The following SHISA9 variants were observed in gnomAD, a reference collection of about 807,000 sequenced individuals.
SHISA9 encodes protein shisa-9.
SHISA9 carries 13 observed loss-of-function variants against 38.0 expected under a neutral mutation model. The ratio of observed to expected loss-of-function variants is 0.34; its 90% CI spans 0.22 to 0.54. The LOEUF (loss-of-function observed/expected upper bound fraction) is 0.54. Among genes scored for constraint, SHISA9 ranks in the 20% least tolerant of loss-of-function variants. SHISA9 has a pLI of 0.91. For missense variants in SHISA9, 538 were observed against 575.8 expected, an observed-to-expected ratio of 0.93 and a Z score of 0.67; for synonymous variants, 275 against 242.0, an observed-to-expected ratio of 1.14 and a Z score of -1.27.
intron 2 of SHISA9, among the ~76,000 whole-genome samples, chr16:13,121,832 TACACACACACACACACACACACACACAC>T (rs55727441): frequency 7.4e-6 from 1 of 134,820 alleles, no homozygotes; most frequent in South Asian, 2.6e-4. Context: ...TATACACACA[TACACACACACACACACACACACACACAC>T]ACACACACAC....
At chr16:13,080,277 G>T (rs569017411) in intron 2 of SHISA9, among the ~76,000 whole-genome samples, 1 of 152,216 alleles carries the variant, frequency 6.6e-6, no homozygotes, top group Non-Finnish European at 1.5e-5. Context: ...GGAGGCTGAC[G>T]CAGGAGAATG....
chr16:13,165,581 G>A (rs1476232308), intron 2 of SHISA9, among the ~76,000 whole-genome samples: 2 of 152,212 alleles, frequency 1.3e-5, no homozygotes, highest in South Asian at 2.1e-4. Flanking sequence ...CCTGTTCTCT[G>A]ATACGTGGAG....
intron 2 of SHISA9, among the ~76,000 whole-genome samples, chr16:12,975,650 C>CGGGG (rs796430576): frequency 0.026 from 213 of 8,166 alleles, 5 homozygotes; most frequent in African/African-American, 0.071. Flanking sequence ...TGGGGTGGGA[C>CGGGG]GGGGGCGGGG....
intron 1 of SHISA9, among the ~76,000 whole-genome samples, chr16:12,906,744 T>C (rs1242161973): frequency 6.6e-6 from 1 of 152,230 alleles, no homozygotes; most frequent in Non-Finnish European, 1.5e-5. Flanking sequence ...TTTATCTAGA[T>C]GAGGATTTCT....
At chr16:13,003,282 G>A (rs1368933835) in intron 2 of SHISA9, among the ~76,000 whole-genome samples, 1 of 152,150 alleles carries the variant, frequency 6.6e-6, no homozygotes, top group Non-Finnish European at 1.5e-5. Context: ...TTCAAGGCAG[G>A]GGGAAAACAT....
At position 12,902,080 on chromosome 16, in the gene SHISA9, C is replaced by A; in HGVS notation, c.16C>A (p.Arg6=). Residue 6 remains arginine (R), a synonymous_variant, in exon 1 of 5, where the codon CGG becomes AGG. Transcript: ENST00000558583. ...GGGAGACACCATGCGCCGCGTCCTTCGGCTGCTCCTCGGTTGCTTCCTCAC... is the reference window on the plus strand; with the variant it reads ...GGGAGACACCATGCGCCGCGTCCTTAGGCTGCTCCTCGGTTGCTTCCTCAC... The part of the protein sequence containing the change: MRRVL[R]LLLGCFLTEL... 3 of 1,490,670 alleles carry A rather than the reference C, an allele frequency of 2.0e-6. No individual in the cohort carries two copies. Among genetic ancestry groups the A allele is most frequent in the Non-Finnish European group, 2.7e-6 (3 of 1,128,936 alleles). The allele number at this position is 1,490,670 out of a possible 1,614,324, so 92.3% of individuals were successfully genotyped here.
chr16:13,529,751 C>T, the SHISA9 span, among the ~76,000 whole-genome samples: 1 of 152,202 alleles, frequency 6.6e-6, no homozygotes, highest in African/African-American at 2.4e-5. Flanking sequence ...TGTGTTTGCC[C>T]ACCCATATCC....
At chr16:13,333,314 C>T in the SHISA9 span, among the ~76,000 whole-genome samples, 1 of 152,230 alleles carries the variant, frequency 6.6e-6, no homozygotes, top group Non-Finnish European at 1.5e-5. Flanking sequence ...TTCAGGCAAT[C>T]TGGAGCAGAG....
chr16:13,393,163 A>G, the SHISA9 span, among the ~76,000 whole-genome samples: 1 of 152,146 alleles, frequency 6.6e-6, no homozygotes, highest in Non-Finnish European at 1.5e-5. Flanking sequence ...TTTGCTCCTG[A>G]TACCCTCGTG....
the SHISA9 span, among the ~76,000 whole-genome samples, chr16:13,408,497 TA>T: frequency 1.3e-5 from 2 of 152,158 alleles, no homozygotes; most frequent in Non-Finnish European, 2.9e-5. Context: ...ATAGAGAGAA[TA>T]AAAAATAATT....
At chr16:13,201,764 T>C (rs1279713706) in intron 2 of SHISA9, among the ~76,000 whole-genome samples, 1 of 127,800 alleles carries the variant, frequency 7.8e-6, no homozygotes, top group Non-Finnish European at 1.7e-5. Context: ...GGACATTGGT[T>C]GCTGACCACT....
the SHISA9 span, among the ~76,000 whole-genome samples, chr16:13,409,573 A>T: frequency 1.3e-5 from 2 of 152,212 alleles, no homozygotes; most frequent in Non-Finnish European, 2.9e-5. Context: ...GGGATCAGGG[A>T]ACTCTCCAGT....
the SHISA9 span, chr16:13,458,607 A>T: frequency 2.5e-6 from 1 of 392,462 alleles, no homozygotes; most frequent in Non-Finnish European, 5.0e-6. Flanking sequence ...TCCAGCTAAG[A>T]GATTTGGATC....
chr16:13,505,039 G>A, the SHISA9 span, among the ~76,000 whole-genome samples: 4 of 152,110 alleles, frequency 2.6e-5, no homozygotes, highest in African/African-American at 7.2e-5. Flanking sequence ...AAGGCTGCTC[G>A]GTGTGGTTTG....
chr16:13,261,083 C>G, the SHISA9 span, among the ~76,000 whole-genome samples: 1 of 152,130 alleles, frequency 6.6e-6, no homozygotes, highest in Non-Finnish European at 1.5e-5. Context: ...TTACCTCTGC[C>G]TGGGTCCCTC....
At chr16:13,331,981 C>T in the SHISA9 span, 2 of 152,054 alleles carry the variant, frequency 1.3e-5, no homozygotes, top group African/African-American at 4.8e-5. Context: ...AGTGGTCTCT[C>T]ATAATAACCT....
chr16:13,546,345 A>G, the SHISA9 span, among the ~76,000 whole-genome samples: 1,646 of 152,298 alleles, frequency 0.011, 21 homozygotes, highest in African/African-American at 0.034. Flanking sequence ...TTTGCATGTT[A>G]GTATCATCTT....
At chr16:13,516,247 G>A in the SHISA9 span, among the ~76,000 whole-genome samples, 1 of 152,224 alleles carries the variant, frequency 6.6e-6, no homozygotes, top group East Asian at 1.9e-4. Context: ...TGGCTTCCAT[G>A]TTTGCACACA....
intron 2 of SHISA9, among the ~76,000 whole-genome samples, chr16:13,039,317 G>T (rs1415520439): frequency 6.6e-6 from 1 of 152,104 alleles, no homozygotes; most frequent in Non-Finnish European, 1.5e-5. Flanking sequence ...TCAGGATAGG[G>T]ATATTACACC....
Sources: allele counts gnomAD v4.1 joint callset (sites outside exome capture counted in the v4.1 genomes callset), GRCh38; gene constraint gnomAD v4.1.1; transcripts MANE v1.5; gene names NCBI Gene and HGNC (gene_info 2026-07-23, HGNC 2026-07-21).